Variants in RAI2 observed in about 807,000 individuals in gnomAD.
RAI2 encodes retinoic acid induced 2, also known as retinoic acid-induced protein 2.
RAI2 carries 5 observed loss-of-function variants against 15.3 expected under a neutral mutation model. The ratio of observed to expected loss-of-function variants is 0.33; its 90% confidence interval spans 0.17 to 0.69. The LOEUF is 0.69. Among genes scored for constraint, RAI2 ranks in the 30% least tolerant of loss-of-function variants. The pLI, the probability that RAI2 is intolerant of heterozygous loss-of-function variation, is 0.69. For missense variants in RAI2, 424 were observed against 424.7 expected (o/e 1.00, Z 0.01); for synonymous variants, 191 against 184.0 (o/e 1.04, Z -0.31).
rs770081261 is a variant in RAI2, at chrX:17,800,397, C to T, written c.*21G>A. 8.6e-7 allele frequency: 1 copy of T among 1,160,874 alleles called. No individual in the cohort carries two copies. The highest frequency in any genetic ancestry group is 1.1e-6 in the Non-Finnish European group (1 of 869,893). On this transcript the variant is annotated 3_prime_UTR_variant, in exon 2 of 2. Transcript: ENST00000451717. ...CACCTTTCCCCATATTATAATCATACAAATTTTAAAAAGCCGTTATTTACT... is the reference window on the plus strand; with the variant it reads ...CACCTTTCCCCATATTATAATCATATAAATTTTAAAAAGCCGTTATTTACT...
intron 1 of RAI2, among the ~76,000 whole-genome samples, chrX:17,849,785 G>T (rs1226562678): frequency 8.9e-6 from 1 of 112,739 alleles, no homozygotes; most frequent in Admixed American, 9.3e-5. Context: ...CTTGCTGGCA[G>T]GCCAGAAAGG....
Position 17,801,165 on chromosome X carries a change from A to C in RAI2, c.846T>G (p.Pro282=). ...AGGGCTTCAGTTCATCTTTTTCCAGAGGGGTCTGGGTGCCTTTAAAGGGGT... is the reference window on the plus strand; with the variant it reads ...AGGGCTTCAGTTCATCTTTTTCCAGCGGGGTCTGGGTGCCTTTAAAGGGGT... ...GLHPFKGTQT[P]LEKDELKPFD... Residue 282 remains proline, a synonymous_variant, in exon 2 of 2, where the codon CCT becomes CCG. Transcript: ENST00000451717. 2 of 1,211,024 alleles carry C rather than the reference A, an allele frequency of 1.7e-6. No individual in the cohort carries two copies. Among genetic ancestry groups the C allele is most frequent in the South Asian group, 1.8e-5 (1 of 56,936 alleles).
At chrX:17,855,390 C>T (rs1165437060) in intron 1 of RAI2, among the ~76,000 whole-genome samples, 3 of 111,555 alleles carry the variant, frequency 2.7e-5, no homozygotes, top group Non-Finnish European at 3.8e-5. Flanking sequence ...AGGACACCGG[C>T]CTGTGGGGTG....
At chrX:17,812,223 T>C (rs186691595) in intron 1 of RAI2, among the ~76,000 whole-genome samples, 35 of 111,842 alleles carry the variant, frequency 3.1e-4, no homozygotes, top group Middle Eastern at 4.6e-3. Flanking sequence ...GCATCTTGAG[T>C]AGTATCACCC....
At chrX:17,810,697 C>G (rs1213964969) in intron 1 of RAI2, among the ~76,000 whole-genome samples, 3 of 111,967 alleles carry the variant, frequency 2.7e-5, no homozygotes, top group African/African-American at 9.8e-5. Flanking sequence ...AGGGAGGACG[C>G]CACCAGCTCC....
intron 1 of RAI2, among the ~76,000 whole-genome samples, chrX:17,860,324 A>C: frequency 8.9e-6 from 1 of 112,776 alleles, no homozygotes. Context: ...CCCAACCCCG[A>C]AAAAGCCACC....
At chrX:17,856,088 G>C (rs770899280) in intron 1 of RAI2, among the ~76,000 whole-genome samples, 2 of 112,258 alleles carry the variant, frequency 1.8e-5, no homozygotes, top group South Asian at 7.4e-4. Flanking sequence ...GGGAAGAGGA[G>C]TGACAGGTGT....
chrX:17,803,250 G>A (rs1225219765), intron 1 of RAI2, among the ~76,000 whole-genome samples: 1 of 111,676 alleles, frequency 9.0e-6, no homozygotes, highest in Non-Finnish European at 1.9e-5. Context: ...ACGAGGCTGG[G>A]TGCAGTGGCT....
intron 1 of RAI2, among the ~76,000 whole-genome samples, chrX:17,848,135 C>T (rs1001904654): frequency 9.0e-6 from 1 of 111,028 alleles, no homozygotes; most frequent in African/African-American, 3.3e-5. Flanking sequence ...TTATCAGCAT[C>T]TAAGTGCTGC....
At chrX:17,838,923 A>G (rs1428620443) in intron 1 of RAI2, among the ~76,000 whole-genome samples, 3 of 112,297 alleles carry the variant, frequency 2.7e-5, no homozygotes, top group Non-Finnish European at 5.6e-5. Context: ...ACAAGGGATC[A>G]TAAACACACA....
chrX:17,817,330 G>T (rs140955787), intron 1 of RAI2, among the ~76,000 whole-genome samples: 12 of 111,245 alleles, frequency 1.1e-4, no homozygotes, highest in African/African-American at 3.9e-4. Flanking sequence ...AACCTTAGAA[G>T]CAGCCCAAGT....
intron 1 of RAI2, among the ~76,000 whole-genome samples, chrX:17,815,586 AG>A (rs1386310465): frequency 9.0e-6 from 1 of 111,612 alleles, no homozygotes; most frequent in Non-Finnish European, 1.9e-5. Flanking sequence ...GTTTTCCAAA[AG>A]TGCAGGACAG....
At chrX:17,853,523 G>C (rs996266039) in intron 1 of RAI2, among the ~76,000 whole-genome samples, 6 of 111,407 alleles carry the variant, frequency 5.4e-5, no homozygotes, top group African/African-American at 2.0e-4. Context: ...CTAGTGGGTG[G>C]AGGCCAGGGA....
intron 1 of RAI2, among the ~76,000 whole-genome samples, chrX:17,836,140 GGA>G (rs1211215395): frequency 1.9e-5 from 2 of 106,566 alleles, no homozygotes; most frequent in Non-Finnish European, 3.9e-5. Context: ...ACATCTTTTT[GGA>G]GTTACATGTC....
At chrX:17,817,065 A>G (rs1343991161) in intron 1 of RAI2, among the ~76,000 whole-genome samples, 3 of 111,776 alleles carry the variant, frequency 2.7e-5, no homozygotes, top group Non-Finnish European at 5.6e-5. Flanking sequence ...TGCCATCAGG[A>G]AAAACCATTT....
intron 1 of RAI2, among the ~76,000 whole-genome samples, chrX:17,835,516 C>T (rs1013089905): frequency 1.8e-5 from 2 of 111,898 alleles, no homozygotes; most frequent in African/African-American, 6.5e-5. Flanking sequence ...CAGCTGTGCC[C>T]TCCACACAGA....
At chrX:17,823,912 A>G (rs940887855) in intron 1 of RAI2, among the ~76,000 whole-genome samples, 46 of 111,551 alleles carry the variant, frequency 4.1e-4, no homozygotes, top group African/African-American at 1.4e-3. Flanking sequence ...TATCCTGGCC[A>G]GTCTTCAGGA....
chrX:17,859,212 C>T (rs1287564452), intron 1 of RAI2, among the ~76,000 whole-genome samples: 1 of 111,483 alleles, frequency 9.0e-6, no homozygotes, highest in Non-Finnish European at 1.9e-5. Context: ...CACCCCTCTA[C>T]TGTAACAAAG....
rs1187273500 is a variant in RAI2 at position 17,803,528 on chromosome X, T to TA, written c.-24-1495dup. On this transcript the variant is annotated intron_variant, in intron 1 of 1. Transcript: ENST00000451717. ...CCTGGGTGACAGAGTGAGACTCCTT[T>TA]AAAAAAAAAAGAAAAGAAAAGAAAA... Among the ~76,000 whole-genome samples, 880 of 105,054 alleles carry TA rather than the reference T, an allele frequency of 8.4e-3. 1 individual carries two copies. Among genetic ancestry groups the TA allele is most frequent in the Non-Finnish European group, 0.01 (513 of 50,884 alleles). 91.2% of individuals were successfully genotyped at this position (105,054 alleles called of 115,157 possible).
Sources: allele counts gnomAD v4.1 joint callset (sites outside exome capture counted in the v4.1 genomes callset), GRCh38; gene constraint gnomAD v4.1.1; transcripts MANE v1.5; gene names NCBI Gene and HGNC (gene_info 2026-07-23, HGNC 2026-07-21).